Variants in XKR4 observed in about 807,000 individuals in gnomAD.
XKR4 encodes the protein XK related 4, also known as XK-related protein 4.
In XKR4, 12 loss-of-function variants were observed where a neutral mutation model predicts 53.9. The observed-to-expected ratio is 0.22, with a 90% CI of 0.14 to 0.36. The LOEUF is 0.36. Ranked by LOEUF, XKR4 falls within the 10% of genes least tolerant of loss-of-function variation. The pLI, the probability that XKR4 is intolerant of heterozygous loss-of-function variation, is 1.00. For missense variants in XKR4, 799 were observed against 859.5 expected, an observed-to-expected ratio of 0.93 and a Z score of 0.88; for synonymous variants, 354 against 362.4, an observed-to-expected ratio of 0.98 and a Z score of 0.26.
intron 2 of XKR4, among the ~76,000 whole-genome samples, chr8:55,465,169 G>A (rs1005922858): frequency 1.2e-4 from 19 of 152,062 alleles, no homozygotes; most frequent in Non-Finnish European, 2.5e-4. Flanking sequence ...AAAGAAGCCT[G>A]CATTGCCAAG....
chr8:55,454,187 A>G, intron 2 of XKR4: 2 of 1,015,568 alleles, frequency 2.0e-6, no homozygotes, highest in Non-Finnish European at 3.1e-6. Context: ...CTGACTCTGC[A>G]GTGGCTCTAG....
At chr8:55,239,725 C>A (rs927993192) in intron 1 of XKR4, among the ~76,000 whole-genome samples, 2 of 152,060 alleles carry the variant, frequency 1.3e-5, no homozygotes, top group South Asian at 4.2e-4. Context: ...TGGTCATGAC[C>A]CTTCTTGGTA....
chr8:55,458,945 G>A (rs551787904), intron 2 of XKR4, among the ~76,000 whole-genome samples: 1 of 152,170 alleles, frequency 6.6e-6, no homozygotes, highest in Non-Finnish European at 1.5e-5. Context: ...CCAGGCTTGA[G>A]GGGGAGACCT....
intron 2 of XKR4, among the ~76,000 whole-genome samples, chr8:55,394,892 T>C (rs891606310): frequency 2.0e-5 from 3 of 152,208 alleles, no homozygotes; most frequent in African/African-American, 7.2e-5. Context: ...CATCTTCATT[T>C]TGTAATCACT....
chr8:55,533,018 A>G lies in XKR4; in HGVS notation c.*8791A>G, dbSNP rs1323370265. 1 of 152,148 alleles carries G rather than the reference A, an allele frequency of 6.6e-6. No homozygotes were observed. Among genetic ancestry groups the G allele is most frequent in the Non-Finnish European group, 1.5e-5 (1 of 68,026 alleles). The allele number at this position is 152,148 out of a possible 1,614,324, so 9.4% of individuals were successfully genotyped here. On this transcript the variant is annotated 3_prime_UTR_variant, in exon 3 of 3. Coordinates refer to ENST00000327381, the MANE Select transcript of XKR4 (RefSeq NM_052898.2). ...CTATTCTAGTGGCATTCTGGTATGG[A>G]GCTGTATCAAATCAACACTTTTAAT...
intron 1 of XKR4, among the ~76,000 whole-genome samples, chr8:55,224,147 C>T (rs1374617947): frequency 6.6e-6 from 1 of 152,160 alleles, no homozygotes; most frequent in African/African-American, 2.4e-5. Context: ...CCTCCTTCCT[C>T]TAAGAATTAT....
At chr8:55,278,450 A>T (rs1444360351) in intron 1 of XKR4, among the ~76,000 whole-genome samples, 2 of 152,010 alleles carry the variant, frequency 1.3e-5, no homozygotes, top group Non-Finnish European at 2.9e-5. Flanking sequence ...ATCTTCACAC[A>T]ATTTTTGTCC....
chr8:55,290,085 C>T (rs1350243602), intron 1 of XKR4, among the ~76,000 whole-genome samples: 1 of 151,028 alleles, frequency 6.6e-6, no homozygotes, highest in East Asian at 1.9e-4. Context: ...TTCCTAGTGA[C>T]CAATAATATT....
chr8:55,333,835 T>A (rs1803414269), intron 1 of XKR4, among the ~76,000 whole-genome samples: 1 of 152,174 alleles, frequency 6.6e-6, no homozygotes, highest in South Asian at 2.1e-4. Context: ...TTCCCCAGAC[T>A]GTATTGCACC....
intron 1 of XKR4, among the ~76,000 whole-genome samples, chr8:55,204,823 A>C (rs545731186): frequency 6.7e-4 from 102 of 152,326 alleles, no homozygotes; most frequent in Non-Finnish European, 1.1e-3. Flanking sequence ...TCTGGTAATA[A>C]TAGAAATGAC....
chr8:55,462,528 T>A (rs777272508), intron 2 of XKR4, among the ~76,000 whole-genome samples: 14 of 152,068 alleles, frequency 9.2e-5, no homozygotes, highest in African/African-American at 3.4e-4. Flanking sequence ...ATATGCCAAA[T>A]TGTAAAGACC....
chr8:55,263,778 C>T (rs772716389), intron 1 of XKR4, among the ~76,000 whole-genome samples: 21 of 152,176 alleles, frequency 1.4e-4, no homozygotes, highest in South Asian at 2.1e-4. Flanking sequence ...TGGGAATCAA[C>T]GTCTTTTTGA....
chr8:55,362,288 C>A (rs1401294956), intron 2 of XKR4, among the ~76,000 whole-genome samples: 1 of 152,042 alleles, frequency 6.6e-6, no homozygotes, highest in Non-Finnish European at 1.5e-5. Flanking sequence ...AAAAATAGTT[C>A]AAATTTGAGC....
intron 2 of XKR4, among the ~76,000 whole-genome samples, chr8:55,522,637 T>G (rs1361061103): frequency 6.6e-6 from 1 of 152,158 alleles, no homozygotes; most frequent in Non-Finnish European, 1.5e-5. Context: ...GCTTTGGAGA[T>G]CACACACTTT....
chr8:55,128,566 C>T (rs1250146966), intron 1 of XKR4, among the ~76,000 whole-genome samples: 1 of 152,152 alleles, frequency 6.6e-6, no homozygotes, highest in African/African-American at 2.4e-5. Context: ...TCAGTTACTT[C>T]ATCTTGTAAA....
intron 2 of XKR4, among the ~76,000 whole-genome samples, chr8:55,372,578 AC>A (rs1389945289): frequency 2.0e-5 from 3 of 150,402 alleles, no homozygotes; most frequent in Non-Finnish European, 4.4e-5. Flanking sequence ...AAAGCCACAG[AC>A]AGTTATAGGA....
At chr8:55,425,400 C>CGCACTT (rs1467564750) in intron 2 of XKR4, among the ~76,000 whole-genome samples, 1 of 77,758 alleles carries the variant, frequency 1.3e-5, no homozygotes, top group Non-Finnish European at 3.6e-5. Context: ...TTTCATTCAA[C>CGCACTT]GCACTCTCGT....
intron 2 of XKR4, among the ~76,000 whole-genome samples, chr8:55,521,207 C>T (rs28592712): frequency 0.039 from 5,870 of 152,250 alleles, 369 homozygotes; most frequent in African/African-American, 0.13. Flanking sequence ...TACACGTTTG[C>T]AAGTGGTACA....
chr8:55,213,773 A>G (rs1817760723), intron 1 of XKR4, among the ~76,000 whole-genome samples: 1 of 151,662 alleles, frequency 6.6e-6, no homozygotes, highest in South Asian at 2.1e-4. Context: ...TCACTATCGT[A>G]ATTTTCTGTT....
Sources: gnomAD v4.1 joint callset for allele counts (sites outside exome capture counted in the v4.1 genomes callset) on GRCh38, gnomAD v4.1.1 for gene constraint, MANE v1.5 for transcripts, NCBI Gene and HGNC (gene_info 2026-07-23, HGNC 2026-07-21) for gene names.